Variants in ITPRIP observed in about 807,000 individuals in gnomAD.
ITPRIP encodes the protein inositol 1,4,5-trisphosphate receptor-interacting protein.
A neutral mutation model predicts 35.8 loss-of-function variants in ITPRIP; 32 were observed. That is an observed-to-expected ratio of 0.89 (90% confidence interval 0.68 to 1.20). The LOEUF is 1.20. Ranked by LOEUF, ITPRIP falls within the 50% of genes most tolerant of loss-of-function variation. The probability of loss-of-function intolerance (pLI) is 0.00; values close to 1 mark genes in which losing one functional copy is unlikely to be tolerated. For synonymous variants in ITPRIP, 358 were observed against 324.0 expected (o/e 1.11, Z -1.13); for missense variants, 653 against 735.6 (o/e 0.89, Z 1.30).
Position 104,315,393 on chromosome 10 carries a change from T to TA in ITPRIP, c.658dup (p.Tyr220LeufsTer136). Reference sequence around the variant, plus strand: ...GCACCAGAGCTCTGGGTGGAAGCGGTAGGGCTCGGGGGGTGTGAAGGGCAC... The same window carrying TA: ...GCACCAGAGCTCTGGGTGGAAGCGGTAAGGGCTCGGGGGGTGTGAAGGGCAC... On this transcript the variant is annotated frameshift_variant, in exon 2 of 2. Coordinates refer to ENST00000337478, the MANE Select transcript of ITPRIP (RefSeq NM_001272013.2). LOFTEE classifies it high-confidence loss of function. The surrounding 1 kb of genome is among the most constrained non-coding windows in gnomAD (Gnocchi z 5.7). 3 of 1,570,502 alleles carry TA rather than the reference T, an allele frequency of 1.9e-6. No homozygotes were observed. The highest frequency in any genetic ancestry group is 2.6e-6 in the Non-Finnish European group (3 of 1,155,238).
chr10:104,314,381 C>T lies in ITPRIP; in HGVS notation c.*27G>A, dbSNP rs777602886. 88 of 1,581,458 alleles carry T rather than the reference C, an allele frequency of 5.6e-5. No homozygotes were observed. The highest frequency in any genetic ancestry group is 1.7e-4 in the Admixed American group (10 of 57,544). On this transcript the variant is annotated 3_prime_UTR_variant, in exon 2 of 2. Transcript: ENST00000337478. ...CGTGAGGGATGCCCTCATCTTAGCTCGAGGATCCCACATTCTGTAAAAGAC... is the reference window on the plus strand; with the variant it reads ...CGTGAGGGATGCCCTCATCTTAGCTTGAGGATCCCACATTCTGTAAAAGAC...
intron 1 of ITPRIP, among the ~76,000 whole-genome samples, chr10:104,336,264 C>A (rs778658694): frequency 6.6e-6 from 1 of 152,130 alleles, no homozygotes; most frequent in African/African-American, 2.4e-5. Context: ...CCCTCCCCAG[C>A]AAGACTGGAT....
At chr10:104,331,241 G>A (rs560609884) in intron 1 of ITPRIP, among the ~76,000 whole-genome samples, 1 of 152,198 alleles carries the variant, frequency 6.6e-6, no homozygotes, top group Non-Finnish European at 1.5e-5. Context: ...TAGGACCCAG[G>A]CAGCCCCTGC....
chr10:104,315,142 AC>A lies in ITPRIP; in HGVS notation c.909del (p.Trp303CysfsTer32), dbSNP rs1376738529. 1 of 1,613,856 alleles carries A rather than the reference AC, an allele frequency of 6.2e-7. No homozygotes were observed. Among genetic ancestry groups the A allele is most frequent in the Non-Finnish European group, 8.5e-7 (1 of 1,179,900 alleles). ...CAGGCTCTGGTGAGGGCCGTCTGGA[AC>A]CACTTCATGACCTGCATCGTGTCCA... is the stretch of plus-strand genomic sequence containing the variant. ...LYLDTMQVMK[W>X]FQTALTRAWK... On this transcript the variant is annotated frameshift_variant, in exon 2 of 2. Transcript: ENST00000337478. LOFTEE classifies it high-confidence loss of function. This position sits in a 1 kb window ranked among gnomAD's most constrained non-coding sequence, Gnocchi z 5.7.
chr10:104,332,336 C>T (rs1156624478), intron 1 of ITPRIP, among the ~76,000 whole-genome samples: 1 of 152,078 alleles, frequency 6.6e-6, no homozygotes, highest in East Asian at 1.9e-4. Flanking sequence ...AAGCTAGGTG[C>T]ATACAAGAAT....
At chr10:104,324,988 C>T (rs1477731702) in intron 1 of ITPRIP, among the ~76,000 whole-genome samples, 6 of 152,198 alleles carry the variant, frequency 3.9e-5, no homozygotes, top group Admixed American at 1.3e-4. Context: ...AAGGCTGAGG[C>T]AGATGGATCG....
intron 1 of ITPRIP, among the ~76,000 whole-genome samples, chr10:104,319,294 C>T (rs2013780706): frequency 6.6e-6 from 1 of 152,238 alleles, no homozygotes; most frequent in South Asian, 2.1e-4. Flanking sequence ...TGGCACAGGG[C>T]AGGCTCCTCT....
chr10:104,318,820 T>C (rs933227523), intron 1 of ITPRIP, among the ~76,000 whole-genome samples: 1 of 152,206 alleles, frequency 6.6e-6, no homozygotes, highest in Non-Finnish European at 1.5e-5. Flanking sequence ...AATAATCATA[T>C]CTACTGTTAT....
At chr10:104,319,814 C>G (rs1001008238) in intron 1 of ITPRIP, among the ~76,000 whole-genome samples, 7 of 151,956 alleles carry the variant, frequency 4.6e-5, no homozygotes, top group Admixed American at 3.9e-4. Flanking sequence ...CAAAATAAAC[C>G]TTAAAAACCA....
rs2135172694 is a variant in ITPRIP, at chr10:104,312,991, C to T, written c.*1417G>A. ...AAGAGCCTTCCTGATCCCCCTGAACCAGACCTGGAGACGGAGCCCAGCTCC... is the reference window on the plus strand; with the variant it reads ...AAGAGCCTTCCTGATCCCCCTGAACTAGACCTGGAGACGGAGCCCAGCTCC... On this transcript the variant is annotated 3_prime_UTR_variant, in exon 2 of 2. Coordinates refer to ENST00000337478, the MANE Select transcript of ITPRIP (RefSeq NM_001272013.2). The T allele has an allele frequency of 1.0e-6, 1 of 985,368 alleles. No homozygotes were observed. Among genetic ancestry groups the T allele is most frequent in the East Asian group, 1.1e-4 (1 of 8,820 alleles). 61.0% of individuals were successfully genotyped at this position (985,368 alleles called of 1,614,324 possible).
chr10:104,313,335 T>G lies in ITPRIP; in HGVS notation c.*1073A>C. The G allele has an allele frequency of 1.0e-6, 1 of 985,730 alleles. No individual in the cohort carries two copies. The highest frequency in any genetic ancestry group is 1.7e-5 in the African/African-American group (1 of 57,164). 61.1% of individuals were successfully genotyped at this position (985,730 alleles called of 1,614,324 possible). On this transcript the variant is annotated 3_prime_UTR_variant, in exon 2 of 2. Coordinates refer to ENST00000337478, the MANE Select transcript of ITPRIP (RefSeq NM_001272013.2). ...ATTTTTGAGCACCTCATCGAAGGAG[T>G]CTACTGTCTTACAGCAGAGACTTCG...
intron 1 of ITPRIP, among the ~76,000 whole-genome samples, chr10:104,318,329 A>G (rs2013742578): frequency 1.3e-5 from 2 of 152,216 alleles, no homozygotes; most frequent in African/African-American, 4.8e-5. Flanking sequence ...CTCATAGCAG[A>G]ATATCAGGCA....
intron 1 of ITPRIP, among the ~76,000 whole-genome samples, chr10:104,318,144 T>C (rs1193197622): frequency 4.6e-5 from 7 of 152,156 alleles, no homozygotes; most frequent in Non-Finnish European, 1.0e-4. Flanking sequence ...GCGAGCCAGC[T>C]TTCCTTCCCC....
At chr10:104,319,773 C>A (rs1258700999) in intron 1 of ITPRIP, among the ~76,000 whole-genome samples, 11 of 151,810 alleles carry the variant, frequency 7.2e-5, no homozygotes, top group African/African-American at 2.7e-4. Context: ...CCCCAGGGGT[C>A]AGAAGAATGT....
chr10:104,319,015 T>A (rs2013768629), intron 1 of ITPRIP, among the ~76,000 whole-genome samples: 1 of 152,208 alleles, frequency 6.6e-6, no homozygotes, highest in African/African-American at 2.4e-5. Flanking sequence ...CAGTGCATAG[T>A]AGCACTGGTA....
At chr10:104,334,819 G>C (rs1397474375) in intron 1 of ITPRIP, among the ~76,000 whole-genome samples, 1 of 152,224 alleles carries the variant, frequency 6.6e-6, no homozygotes, top group Non-Finnish European at 1.5e-5. Flanking sequence ...GATAAGCGCA[G>C]TCCACCTTCT....
At chr10:104,317,507 CCCTCT>C (rs1171568099) in intron 1 of ITPRIP, among the ~76,000 whole-genome samples, 1 of 152,176 alleles carries the variant, frequency 6.6e-6, no homozygotes. Flanking sequence ...CTTAGTTACA[CCCTCT>C]CCTCTCCTCA....
intron 1 of ITPRIP, among the ~76,000 whole-genome samples, chr10:104,321,698 CTTTTCTTTTTTT>C (rs2013849449): frequency 6.7e-6 from 1 of 148,964 alleles, no homozygotes; most frequent in South Asian, 2.1e-4. Context: ...AGTTTCTTTT[CTTTTCTTTTTTT>C]TTTTTTTTTT....
At chr10:104,337,566 C>G (rs923536397) in intron 1 of ITPRIP, among the ~76,000 whole-genome samples, 1 of 151,152 alleles carries the variant, frequency 6.6e-6, no homozygotes, top group Non-Finnish European at 1.5e-5. Flanking sequence ...CTTCACCAGG[C>G]GGCCAGAATG....
Sources: allele counts gnomAD v4.1 joint callset (sites outside exome capture counted in the v4.1 genomes callset), GRCh38; gene constraint gnomAD v4.1.1; non-coding constraint Gnocchi (gnomAD v3.1); transcripts MANE v1.5; gene names NCBI Gene and HGNC (gene_info 2026-07-23, HGNC 2026-07-21).